Variants in GTPBP4 observed in about 807,000 individuals in gnomAD.
GTPBP4 encodes GTP binding protein 4, also known as GTP-binding protein 4.
Under a neutral mutation model 81.7 loss-of-function variants are expected in GTPBP4, and 15 were observed. The ratio of observed to expected loss-of-function variants is 0.18; its 90% CI spans 0.12 to 0.28. GTPBP4 has a LOEUF of 0.28. Ranked by LOEUF, GTPBP4 falls within the 10% of genes least tolerant of loss-of-function variation. The pLI, the probability that GTPBP4 is intolerant of heterozygous loss-of-function variation, is 1.00. For synonymous variants in GTPBP4, 272 were observed against 274.6 expected (o/e 0.99, Z 0.09); for missense variants, 847 against 793.8 (o/e 1.07, Z -0.81).
At chr10:999,729 C>T (rs780328757) in intron 6 of GTPBP4, among the ~76,000 whole-genome samples, 12 of 152,194 alleles carry the variant, frequency 7.9e-5, no homozygotes, top group Non-Finnish European at 1.5e-4. Flanking sequence ...GAGGCCAAGG[C>T]AGGCAGCTAA....
chr10:1,000,709 T>G lies in GTPBP4; in HGVS notation c.687T>G (p.Pro229=). The G allele has an allele frequency of 6.4e-7, 1 of 1,558,272 alleles. No homozygotes were observed. ...VVDTPGILDH[P]LEDRNTIEMQ... is the part of the protein sequence containing the mutation. The stretch of plus-strand genomic sequence containing the variant: ...ACACTCCTGGGATCCTGGACCACCC[T>G]CTGGAGGATAGGAACACCATCGAGA... Residue 229 remains proline (P), a synonymous_variant, in exon 7 of 17, where the codon CCT becomes CCG. Transcript: ENST00000360803.
At chr10:992,416 A>AAT in intron 1 of GTPBP4, 73 bp from the exon 2 acceptor site, 2 of 897,878 alleles carry the variant, frequency 2.2e-6, no homozygotes, top group Non-Finnish European at 3.5e-6. Context: ...AAAAAAAAAA[A>AAT]GGAAGGTTTC....
intron 15 of GTPBP4, 101 bp from the exon 16 acceptor site, chr10:1,015,652 A>G (rs1373620476): frequency 7.9e-6 from 2 of 252,724 alleles, no homozygotes; most frequent in African/African-American, 1.2e-4. Flanking sequence ...AGCGCTGAGC[A>G]CTGAGCCTGG....
chr10:1,015,710 C>CGGGG (rs1831975801), intron 15 of GTPBP4, 43 bp from the exon 16 acceptor site: 1 of 508,758 alleles, frequency 2.0e-6, no homozygotes, highest in Non-Finnish European at 2.8e-6. Context: ...TGGGAGTGGA[C>CGGGG]CTGGGGTCCT....
intron 5 of GTPBP4, 35 bp downstream of exon 5, chr10:997,343 G>GA: frequency 8.8e-7 from 1 of 1,134,802 alleles, no homozygotes; most frequent in Non-Finnish European, 1.3e-6. Flanking sequence ...CAAATCATCT[G>GA]ACTATTTTAC....
In GTPBP4 at chr10:1,010,456, A is replaced by G. The variant is rs371563844; in HGVS notation, c.1280A>G (p.Asp427Gly). The part of the protein sequence containing the change: ...WDLMNLSEKH[D>G]KIPEIWEGHN... ...TTAATGAATTTGTCTGAAAAACATG[A>G]TAAGATACCAGAAATCTGGGAAGGC... Residue 427 changes from aspartate (D) to glycine (G), a missense_variant, in exon 13 of 17, where the codon GAT becomes GGT. Physicochemically the swap from Asp to Gly is moderately conservative, Grantham distance 94. This residue lies in a region of GTPBP4 where 600 missense variants were observed against 557.1 expected (regional missense o/e 1.08). Transcript: ENST00000360803. 26 of 1,581,908 alleles carry G rather than the reference A, an allele frequency of 1.6e-5. No individual in the cohort carries two copies. The highest frequency in any genetic ancestry group is 1.7e-4 in the Middle Eastern group (1 of 6,016).
chr10:1,012,895 A>G (rs1831905082), intron 14 of GTPBP4, among the ~76,000 whole-genome samples: 1 of 152,184 alleles, frequency 6.6e-6, no homozygotes, highest in Admixed American at 6.5e-5. Flanking sequence ...AGATCCAGTC[A>G]TTTTGCAGTT....
At chr10:1,012,317 C>T (rs575615895) in intron 13 of GTPBP4, 148 bp from the exon 14 acceptor site, 297 of 561,792 alleles carry the variant, frequency 5.3e-4, no homozygotes, top group Non-Finnish European at 7.6e-4. Context: ...GTAAATGGCA[C>T]ATAGGCAGGG....
intron 15 of GTPBP4, among the ~76,000 whole-genome samples, chr10:1,014,562 G>A (rs777734713): frequency 3.9e-5 from 6 of 152,268 alleles, no homozygotes; most frequent in Admixed American, 2.0e-4. Context: ...AGGATGCTGA[G>A]GCAGGAGAAT....
chr10:1,014,651 T>A (rs1418925398), intron 15 of GTPBP4, among the ~76,000 whole-genome samples: 2 of 151,948 alleles, frequency 1.3e-5, no homozygotes, highest in Non-Finnish European at 2.9e-5. Flanking sequence ...AGAGTGAGAC[T>A]CCATCTCAAA....
At chr10:1,007,659 T>C (rs1190097374) in intron 10 of GTPBP4, among the ~76,000 whole-genome samples, 1 of 152,256 alleles carries the variant, frequency 6.6e-6, no homozygotes, top group Non-Finnish European at 1.5e-5. Context: ...TTACTGCAAA[T>C]GTGTCTGCAC....
chr10:1,000,151 G>T (rs1215226993), intron 6 of GTPBP4, among the ~76,000 whole-genome samples: 3 of 151,360 alleles, frequency 2.0e-5, no homozygotes, highest in African/African-American at 7.3e-5. Flanking sequence ...GCTCTACAGG[G>T]TTCCTCCTCC....
intron 12 of GTPBP4, 58 bp from the exon 13 acceptor site, chr10:1,010,362 T>C (rs1039881318): frequency 4.6e-6 from 4 of 863,336 alleles, no homozygotes; most frequent in Non-Finnish European, 5.9e-6. Context: ...TTTGCGCACG[T>C]AGTACTTGAA....
rs1055899568 is a variant in GTPBP4 at position 1,010,514 on chromosome 10, C to T, written c.1338C>T (p.Ile446=). The T allele has an allele frequency of 9.4e-6, 14 of 1,492,478 alleles. No individual in the cohort carries two copies. Among genetic ancestry groups the T allele is most frequent in the South Asian group, 4.5e-5 (4 of 88,498 alleles). The allele number at this position is 1,492,478 out of a possible 1,614,324, so 92.5% of individuals were successfully genotyped here. A position where few individuals can be genotyped will look rare whatever the true frequency, so the allele number is the denominator to read the frequency against. ...TAGCTGATTATATTGATCCAGCCAT[C>T]ATGAAGGTTTGTGTCACTTTTTAAA... The part of the protein sequence containing the change: ...HNIADYIDPA[I]MKKLEELEKE... The change falls in exon 13 of 17, where the codon ATC becomes ATT. Residue 446 remains isoleucine (I), a synonymous_variant. Transcript: ENST00000360803.
intron 5 of GTPBP4, among the ~76,000 whole-genome samples, chr10:998,122 C>T (rs1418678611): frequency 1.3e-5 from 2 of 152,040 alleles, no homozygotes; most frequent in Admixed American, 6.5e-5. Context: ...CTTTTTGAGA[C>T]AGGGTCTCGC....
Position 1,019,438 on chromosome 10 carries a change from A to T in GTPBP4, c.*2211A>T. 1 of 1,157,714 alleles carries T rather than the reference A, an allele frequency of 8.6e-7. No homozygotes were observed. Among genetic ancestry groups the T allele is most frequent in the Non-Finnish European group, 1.2e-6 (1 of 829,416 alleles). 71.7% of individuals were successfully genotyped at this position (1,157,714 alleles called of 1,614,324 possible). ...GTGCCCCTTTTGCCCTGTTTTTTGG[A>T]GAGGGTGTATCATTGCCTCAATGGT... On this transcript the variant is annotated 3_prime_UTR_variant, in exon 17 of 17. Transcript: ENST00000360803.
chr10:997,399 G>A, intron 5 of GTPBP4, 91 bp downstream of exon 5: 1 of 800,662 alleles, frequency 1.2e-6, no homozygotes, highest in Admixed American at 1.7e-5. Context: ...GGATGGCCTT[G>A]TAGGTCAGTG....
At chr10:990,311 G>A (rs906252908) in intron 1 of GTPBP4, among the ~76,000 whole-genome samples, 1 of 152,138 alleles carries the variant, frequency 6.6e-6, no homozygotes, top group African/African-American at 2.4e-5. Context: ...CATCGGGAAA[G>A]TGTGGTATTC....
At chr10:1,008,536 G>T in intron 10 of GTPBP4, 1 of 297,376 alleles carries the variant, frequency 3.4e-6, no homozygotes, top group Non-Finnish European at 6.6e-6. Context: ...TTTCTGACCT[G>T]AGTATTGGAA....
Sources: allele counts gnomAD v4.1 joint callset (sites outside exome capture counted in the v4.1 genomes callset), GRCh38; gene constraint gnomAD v4.1.1; regional missense constraint gnomAD v4.1.1; transcripts MANE v1.5; gene names NCBI Gene and HGNC (gene_info 2026-07-23, HGNC 2026-07-21).